ADGB: variants seen among roughly 807,000 people sequenced by gnomAD.
The protein encoded by ADGB is androglobin.
Under a neutral mutation model 210.5 loss-of-function variants are expected in ADGB, and 172 were observed. The observed-to-expected ratio is 0.82, with a 90% CI of 0.72 to 0.93. ADGB has a LOEUF of 0.93. Among genes scored for constraint, ADGB ranks in the 40% least tolerant of loss-of-function variants. The pLI is 0.00. For synonymous variants in ADGB, 658 were observed against 662.7 expected, an observed-to-expected ratio of 0.99 and a Z score of 0.11; for missense variants, 2,025 against 1,964.8, an observed-to-expected ratio of 1.03 and a Z score of -0.58.
chr6:146,635,307 G>C (rs1419893190), intron 1 of ADGB, 68 bp from the exon 2 acceptor site: 1 of 1,290,544 alleles, frequency 7.7e-7, no homozygotes, highest in African/African-American at 1.5e-5. Context: ...ATGTTATGCA[G>C]TTAATCCAAT....
intron 27 of ADGB, among the ~76,000 whole-genome samples, chr6:146,760,921 A>T (rs1777479888): frequency 6.6e-6 from 1 of 151,946 alleles, no homozygotes; most frequent in South Asian, 2.1e-4. Context: ...TTATTCACAC[A>T]TTACACCCAC....
At chr6:146,806,139 G>C (rs1583648719) in intron 35 of ADGB, among the ~76,000 whole-genome samples, 1 of 152,326 alleles carries the variant, frequency 6.6e-6, no homozygotes. Flanking sequence ...CAGGATTGCT[G>C]TTTGTGGTTT....
At chr6:146,644,634 C>T (rs1159475625) in intron 2 of ADGB, 139 bp from the exon 3 acceptor site, 2 of 488,486 alleles carry the variant, frequency 4.1e-6, no homozygotes, top group South Asian at 4.1e-5. Context: ...CATGAATTAG[C>T]TCTTACAACA....
Position 146,622,632 on chromosome 6 carries a change from T to C in ADGB, c.75-12743T>C, listed in dbSNP as rs950832796. ...TGGGCTGTAAGGGGTACAAACCTTT[T>C]ACCAGGTATATACTTTTCGAATATT... On this transcript the variant is annotated intron_variant, in intron 1 of 35. Coordinates refer to ENST00000397944, the MANE Select transcript of ADGB (RefSeq NM_024694.4). 1.7e-4 allele frequency among the ~76,000 whole-genome samples: 26 copies of C among 152,128 alleles called. 1 individual carries two copies. Among genetic ancestry groups the C allele is most frequent in the African/African-American group, 5.3e-4 (22 of 41,450 alleles).
At chr6:146,716,198 C>G (rs1776730669) in intron 14 of ADGB, among the ~76,000 whole-genome samples, 1 of 152,076 alleles carries the variant, frequency 6.6e-6, no homozygotes, top group Admixed American at 6.6e-5. Context: ...ATTTCCCTTT[C>G]TGTTGTCTGA....
chr6:146,704,409 T>C (rs1370265647), intron 13 of ADGB, among the ~76,000 whole-genome samples: 3 of 152,038 alleles, frequency 2.0e-5, no homozygotes, highest in African/African-American at 2.4e-5. Flanking sequence ...TTATCCCTTA[T>C]GTTTTCTTCT....
At chr6:146,669,410 C>A (rs577042944) in intron 7 of ADGB, among the ~76,000 whole-genome samples, 2 of 152,004 alleles carry the variant, frequency 1.3e-5, no homozygotes, top group Admixed American at 1.3e-4. Flanking sequence ...CTCAACTCCC[C>A]GTTTCTTCTC....
rs1406623083 is a variant in ADGB, at chr6:146,717,016, T to C, written c.1875T>C (p.Asn625=). 5 of 1,551,508 alleles carry C rather than the reference T, an allele frequency of 3.2e-6. No individual in the cohort carries two copies. The highest frequency in any genetic ancestry group is 2.0e-5 in the Admixed American group (1 of 50,990). Residue 625 remains asparagine (N), a synonymous_variant, in exon 15 of 36, where the codon AAT becomes AAC. Transcript: ENST00000397944. ...AGGAAGAACTTCCAACAACAAATAA[T>C]AGTGTTTCTAAAGAAATATGGTTAG... ...KSQEELPTTN[N]SVSKEIWLDF...
intron 1 of ADGB, among the ~76,000 whole-genome samples, chr6:146,604,459 C>T (rs1283805347): frequency 6.6e-6 from 1 of 151,950 alleles, no homozygotes; most frequent in South Asian, 2.1e-4. Context: ...TTTCCCCCAA[C>T]TTGAGATGTA....
intron 19 of ADGB, among the ~76,000 whole-genome samples, chr6:146,726,513 G>A (rs994048217): frequency 1.1e-4 from 17 of 152,082 alleles, no homozygotes; most frequent in African/African-American, 3.6e-4. Context: ...ATGAGCCACC[G>A]CACCCAGCCA....
intron 28 of ADGB, 49 bp downstream of exon 28, chr6:146,764,149 TAAAAC>T: frequency 2.1e-6 from 3 of 1,432,270 alleles, no homozygotes; most frequent in Non-Finnish European, 2.8e-6. Flanking sequence ...AACCCTAACA[TAAAAC>T]AAAACAATCA....
chr6:146,602,215 G>T (rs1327866639), intron 1 of ADGB, among the ~76,000 whole-genome samples: 1 of 152,078 alleles, frequency 6.6e-6, no homozygotes, highest in African/African-American at 2.4e-5. Flanking sequence ...TTTCTATTCT[G>T]ACATTTAGTT....
intron 33 of ADGB, among the ~76,000 whole-genome samples, chr6:146,792,597 T>A (rs991294555): frequency 6.6e-6 from 1 of 151,844 alleles, no homozygotes; most frequent in Non-Finnish European, 1.5e-5. Flanking sequence ...GCATGGAAGC[T>A]CAAGCCCCAG....
intron 25 of ADGB, among the ~76,000 whole-genome samples, chr6:146,742,620 G>A (rs559138209): frequency 1.3e-5 from 2 of 151,968 alleles, no homozygotes; most frequent in African/African-American, 4.8e-5. Flanking sequence ...CCTTGAAAGG[G>A]CATTTACATA....
chr6:146,691,469 T>TAA (rs1389011068), intron 11 of ADGB, among the ~76,000 whole-genome samples, 179 bp downstream of exon 11: 19 of 51,374 alleles, frequency 3.7e-4, no homozygotes, highest in African/African-American at 6.5e-4. Context: ...AAAATATATA[T>TAA]ATATATAAAT....
intron 27 of ADGB, among the ~76,000 whole-genome samples, chr6:146,755,454 G>T (rs960982157): frequency 6.6e-6 from 1 of 152,042 alleles, no homozygotes; most frequent in Non-Finnish European, 1.5e-5. Context: ...CGCAAAATCT[G>T]ATGGTTTTAT....
intron 27 of ADGB, among the ~76,000 whole-genome samples, chr6:146,759,048 A>G (rs967146247): frequency 2.0e-5 from 3 of 151,952 alleles, no homozygotes; most frequent in Admixed American, 6.6e-5. Context: ...TCTTGGAAAC[A>G]AATCTATTTA....
At chr6:146,787,530 C>CT (rs11416989) in intron 32 of ADGB, among the ~76,000 whole-genome samples, 86,517 of 151,848 alleles carry the variant, frequency 0.57, 25,048 homozygotes, top group Admixed American at 0.64. Context: ...TCCTTTTTAC[C>CT]TTTTTTTCCT....
At position 146,666,745 on chromosome 6, in the gene ADGB, T is replaced by C. The variant is rs991607550; in HGVS notation, c.753-71T>C. 4.4e-6 allele frequency: 4 copies of C among 904,866 alleles called. No individual in the cohort carries two copies. The Admixed American group carries it at 6.6e-5, about 15-fold the overall frequency. The allele number at this position is 904,866 out of a possible 1,614,324, so 56.1% of individuals were successfully genotyped here. A position where few individuals can be genotyped will look rare whatever the true frequency, so the allele number is the denominator to read the frequency against. On this transcript the variant is annotated intron_variant, in intron 6 of 35. Coordinates refer to ENST00000397944, the MANE Select transcript of ADGB (RefSeq NM_024694.4). Reference sequence around the variant, plus strand: ...GAATATATTGCTGTTTATTAATGATTCCTAGTTCTTATATATCTTTATGTG... The same window carrying C: ...GAATATATTGCTGTTTATTAATGATCCCTAGTTCTTATATATCTTTATGTG...
Sources: allele counts gnomAD v4.1 joint callset (sites outside exome capture counted in the v4.1 genomes callset), GRCh38; gene constraint gnomAD v4.1.1; transcripts MANE v1.5; gene names NCBI Gene and HGNC (gene_info 2026-07-23, HGNC 2026-07-21).